The following PAK2 variants were observed in gnomAD, a reference collection of about 807,000 sequenced individuals.
PAK2 encodes the protein serine/threonine-protein kinase PAK 2.
Under a neutral mutation model 65.9 loss-of-function variants are expected in PAK2, and 21 were observed. That is an observed-to-expected ratio of 0.32 (90% CI 0.23 to 0.46). The LOEUF (loss-of-function observed/expected upper bound fraction) is 0.46, where lower values mean the gene tolerates loss of function less well. Among genes scored for constraint, PAK2 ranks in the 20% least tolerant of loss-of-function variants. The pLI is 1.00. For synonymous variants in PAK2, 204 were observed against 219.7 expected (o/e 0.93, Z 0.63); for missense variants, 324 against 642.6 (o/e 0.50, Z 5.36).
At chr3:196,759,833 G>A (rs938544586) in intron 1 of PAK2, among the ~76,000 whole-genome samples, 7 of 151,858 alleles carry the variant, frequency 4.6e-5, no homozygotes, top group African/African-American at 1.7e-4. Flanking sequence ...CCAGTTAAGT[G>A]GGTTTTTTAA....
chr3:196,798,714 C>T (rs943976156), intron 2 of PAK2, among the ~76,000 whole-genome samples: 8 of 152,082 alleles, frequency 5.3e-5, no homozygotes, highest in Non-Finnish European at 1.2e-4. Context: ...TACATCATGA[C>T]CAAGTGGATT....
rs1338956174 is a variant in PAK2, at chr3:196,829,234, A to T, written c.*829A>T. On this transcript the variant is annotated 3_prime_UTR_variant, in exon 15 of 15. Transcript: ENST00000327134. ...TTCCCCTTCAGGCTTGGCTCTAGGAACCAAAGTGATTTGTTGTTGTTCCAA... is the reference window on the plus strand; with the variant it reads ...TTCCCCTTCAGGCTTGGCTCTAGGATCCAAAGTGATTTGTTGTTGTTCCAA... 1 of 152,578 alleles carries T rather than the reference A, an allele frequency of 6.6e-6. No homozygotes were observed. The highest frequency in any genetic ancestry group is 6.5e-5 in the Admixed American group (1 of 15,274). 9.5% of individuals were successfully genotyped at this position (152,578 alleles called of 1,614,324 possible).
chr3:196,741,061 T>G (rs545090773), intron 1 of PAK2, among the ~76,000 whole-genome samples: 1 of 152,342 alleles, frequency 6.6e-6, no homozygotes, highest in Admixed American at 6.5e-5. Context: ...GATATCATTA[T>G]CTCACTTCTG....
At chr3:196,743,054 A>G (rs1483058287) in intron 1 of PAK2, among the ~76,000 whole-genome samples, 31 of 152,344 alleles carry the variant, frequency 2.0e-4, no homozygotes, top group African/African-American at 2.4e-5. Flanking sequence ...TGTGTGTCCA[A>G]GCTCTTCCTA....
chr3:196,810,120 AAGT>A (rs1333486082), intron 7 of PAK2, among the ~76,000 whole-genome samples: 2 of 151,914 alleles, frequency 1.3e-5, no homozygotes, highest in African/African-American at 2.4e-5. Context: ...TTATAATACT[AAGT>A]AGTCTCAAAC....
At chr3:196,809,702 G>A (rs1715712069) in intron 7 of PAK2, among the ~76,000 whole-genome samples, 1 of 148,720 alleles carries the variant, frequency 6.7e-6, no homozygotes, top group Non-Finnish European at 1.5e-5. Context: ...TCATTTAGTT[G>A]TGACCTTTAG....
chr3:196,806,927 T>C (rs1439966563), intron 6 of PAK2, among the ~76,000 whole-genome samples: 1 of 152,204 alleles, frequency 6.6e-6, no homozygotes, highest in Non-Finnish European at 1.5e-5. Context: ...CTTTTTTCTT[T>C]GTATAGTACA....
At chr3:196,816,319 G>C (rs922497179) in intron 11 of PAK2, among the ~76,000 whole-genome samples, 3 of 152,116 alleles carry the variant, frequency 2.0e-5, no homozygotes, top group Non-Finnish European at 4.4e-5. Context: ...CTGAGGAATA[G>C]TACCTCTTTG....
Position 196,810,733 on chromosome 3 carries a change from G to C in PAK2, c.773+80G>C, listed in dbSNP as rs1410858572. The C allele has an allele frequency of 1.4e-5, 11 of 780,466 alleles. No homozygotes were observed. In the East Asian group the frequency reaches 2.7e-4, roughly 19 times the overall value. The allele number at this position is 780,466 out of a possible 1,614,324, so 48.3% of individuals were successfully genotyped here. On this transcript the variant is annotated intron_variant, in intron 8 of 14. Transcript: ENST00000327134. ...TTATAGCATGATGTTTATTTTGCCTGCCGACATCAAGTACTTATATAGTAT... is the reference window on the plus strand; with the variant it reads ...TTATAGCATGATGTTTATTTTGCCTCCCGACATCAAGTACTTATATAGTAT...
chr3:196,830,241 T>C lies in PAK2; in HGVS notation c.*1836T>C, dbSNP rs1353889523. On this transcript the variant is annotated 3_prime_UTR_variant, in exon 15 of 15. Transcript: ENST00000327134. ...ATTTTCAGAAAAATGAGTAAAATAA[T>C]TAATGAAACATATTTAGAGCACTTA... 6.6e-6 allele frequency: 1 copy of C among 152,202 alleles called. No individual in the cohort carries two copies. Among genetic ancestry groups the C allele is most frequent in the Non-Finnish European group, 1.5e-5 (1 of 68,030 alleles). The allele number at this position is 152,202 out of a possible 1,614,324, so 9.4% of individuals were successfully genotyped here. A position where few individuals can be genotyped will look rare whatever the true frequency, so the allele number is the denominator to read the frequency against.
chr3:196,831,070 T>C lies in PAK2; in HGVS notation c.*2665T>C, dbSNP rs548996427. On this transcript the variant is annotated 3_prime_UTR_variant, in exon 15 of 15. Coordinates refer to ENST00000327134, the MANE Select transcript of PAK2 (RefSeq NM_002577.4). ...CCCAGCTATTTTTTTGTATTTTTAG[T>C]AGAGACAGAGTCTCACCACATTGCC... The C allele has an allele frequency of 6.6e-6, 1 of 152,284 alleles. No homozygotes were observed. The highest frequency in any genetic ancestry group is 1.9e-4 in the East Asian group (1 of 5,172). The allele number at this position is 152,284 out of a possible 1,614,324, so 9.4% of individuals were successfully genotyped here. A position where few individuals can be genotyped will look rare whatever the true frequency, so the allele number is the denominator to read the frequency against.
At chr3:196,826,329 G>A (rs1425439955) in intron 13 of PAK2, among the ~76,000 whole-genome samples, 7 of 151,726 alleles carry the variant, frequency 4.6e-5, no homozygotes, top group Non-Finnish European at 7.4e-5. Context: ...CCACCACCAC[G>A]CCCGGCTAAT....
chr3:196,751,703 C>T (rs1310038186), intron 1 of PAK2, among the ~76,000 whole-genome samples: 2 of 59,422 alleles, frequency 3.4e-5, no homozygotes, highest in African/African-American at 1.0e-4. Context: ...ATAATTCAGG[C>T]TATATATAAA....
At chr3:196,772,029 TCTG>T (rs1714376867) in intron 1 of PAK2, among the ~76,000 whole-genome samples, 1 of 152,232 alleles carries the variant, frequency 6.6e-6, no homozygotes, top group Admixed American at 6.5e-5. Flanking sequence ...TTCGCTCTAT[TCTG>T]CTTTTATTTT....
intron 13 of PAK2, among the ~76,000 whole-genome samples, chr3:196,826,955 G>A (rs1711898478): frequency 6.6e-6 from 1 of 152,056 alleles, no homozygotes; most frequent in South Asian, 2.1e-4. Flanking sequence ...AATATGTATT[G>A]CATTTATAAC....
chr3:196,782,839 T>TA lies in PAK2; in HGVS notation c.187+7dup. On this transcript the variant is annotated splice_region_variant and intron_variant, in intron 2 of 14. Coordinates refer to ENST00000327134, the MANE Select transcript of PAK2 (RefSeq NM_002577.4). ...ATTCTCAGGCACAGAGAAAGGTAAA[T>TA]AGCGCTTCTGGCTTTCAGAGTCTCA... The TA allele has an allele frequency of 6.3e-7, 1 of 1,594,178 alleles. No homozygotes were observed.
rs970971420 is a variant in PAK2 at position 196,764,766 on chromosome 3, G to A, written c.-21-17860G>A. On this transcript the variant is annotated intron_variant, in intron 1 of 14. Transcript: ENST00000327134. ...ACTAGTGGGCTCAGGCAGTCCTCCC[G>A]CCTCACCCTCCCAAAATGTTGGGAT... 3.3e-5 allele frequency among the ~76,000 whole-genome samples: 5 copies of A among 151,198 alleles called. No homozygotes were observed. In the South Asian group the frequency reaches 8.4e-4, roughly 25 times the overall value.
Position 196,770,537 on chromosome 3 carries a change from TAAAAA to T in PAK2, c.-21-12086_-21-12082del, listed in dbSNP as rs959566454. 1.8e-4 allele frequency among the ~76,000 whole-genome samples: 27 copies of T among 151,840 alleles called. 1 individual carries two copies. The highest frequency in any genetic ancestry group is 6.3e-4 in the African/African-American group (26 of 41,206). On this transcript the variant is annotated intron_variant, in intron 1 of 14. Coordinates refer to ENST00000327134, the MANE Select transcript of PAK2 (RefSeq NM_002577.4). The stretch of plus-strand genomic sequence containing the variant: ...GGCAACACGGCAAGACCCCATCTCT[TAAAAA>T]AAGAATTGTTTGTGTGTATATATGC...
chr3:196,763,663 G>A (rs1345266645), intron 1 of PAK2, among the ~76,000 whole-genome samples: 1 of 152,112 alleles, frequency 6.6e-6, no homozygotes, highest in Non-Finnish European at 1.5e-5. Flanking sequence ...TTAAATTGAA[G>A]ATTGCTTACG....
Sources: allele counts gnomAD v4.1 joint callset (sites outside exome capture counted in the v4.1 genomes callset), GRCh38; gene constraint gnomAD v4.1.1; transcripts MANE v1.5; gene names NCBI Gene and HGNC (gene_info 2026-07-23, HGNC 2026-07-21).